NCAM1: variants seen among roughly 807,000 people sequenced by gnomAD.
NCAM1 encodes the protein neural cell adhesion molecule 1, also known as antigen recognized by monoclonal antibody 5.1H11.
NCAM1 carries 14 observed loss-of-function variants against 109.8 expected under a neutral mutation model. That is an observed-to-expected ratio of 0.13 (90% CI 0.08 to 0.20). NCAM1 has a LOEUF of 0.20. Among genes scored for constraint, NCAM1 ranks in the 10% least tolerant of loss-of-function variants. The probability of loss-of-function intolerance (pLI) is 1.00; values close to 1 mark genes in which losing one functional copy is unlikely to be tolerated. For missense variants in NCAM1, 774 were observed against 1,109.9 expected, an observed-to-expected ratio of 0.70 and a Z score of 4.30; for synonymous variants, 418 against 442.9, an observed-to-expected ratio of 0.94 and a Z score of 0.70.
chr11:113,109,283 G>A (rs782566429), intron 1 of NCAM1, among the ~76,000 whole-genome samples: 3 of 150,778 alleles, frequency 2.0e-5, no homozygotes, highest in Admixed American at 6.6e-5. Flanking sequence ...GGGAGGCGGA[G>A]GTTGCAGTGA....
intron 9 of NCAM1, among the ~76,000 whole-genome samples, chr11:113,223,841 C>T (rs1161894819): frequency 1.3e-5 from 2 of 152,200 alleles, no homozygotes; most frequent in East Asian, 1.9e-4. Context: ...CAGGTCAGCA[C>T]AGCCCTTTAG....
chr11:113,144,089 C>T (rs191344036), intron 1 of NCAM1, among the ~76,000 whole-genome samples: 11 of 152,298 alleles, frequency 7.2e-5, no homozygotes, highest in Admixed American at 3.9e-4. Context: ...TGCCACTGGA[C>T]GGTCAAATGA....
intron 1 of NCAM1, among the ~76,000 whole-genome samples, chr11:113,104,224 T>TGGGGGGGG (rs1172459129): frequency 3.4e-5 from 1 of 29,676 alleles, no homozygotes; most frequent in African/African-American, 1.4e-4. Context: ...GGGGGCGGGG[T>TGGGGGGGG]GGTGGTGGCG....
intron 1 of NCAM1, among the ~76,000 whole-genome samples, chr11:112,983,679 T>C (rs1951215173): frequency 6.6e-6 from 1 of 151,978 alleles, no homozygotes; most frequent in South Asian, 2.1e-4. Flanking sequence ...ACAAGCTCAG[T>C]GCAAGTAATT....
chr11:113,208,081 T>C, intron 7 of NCAM1, 79 bp downstream of exon 7: 1 of 1,458,810 alleles, frequency 6.9e-7, no homozygotes, highest in Non-Finnish European at 9.3e-7. Context: ...AGTAAGACCC[T>C]GGCCACTGTC....
At chr11:113,066,203 T>C (rs1937948342) in intron 1 of NCAM1, among the ~76,000 whole-genome samples, 1 of 151,308 alleles carries the variant, frequency 6.6e-6, no homozygotes, top group African/African-American at 2.4e-5. Flanking sequence ...CTTTAGAATA[T>C]GGACAGTTCA....
chr11:113,075,014 C>A (rs1177034821), intron 1 of NCAM1, among the ~76,000 whole-genome samples: 1 of 152,074 alleles, frequency 6.6e-6, no homozygotes, highest in Non-Finnish European at 1.5e-5. Context: ...TTGATAGCAC[C>A]TGTGTAAAAA....
chr11:113,017,884 T>C (rs1263446113), intron 1 of NCAM1, among the ~76,000 whole-genome samples: 16 of 152,154 alleles, frequency 1.1e-4, no homozygotes, highest in Admixed American at 5.2e-4. Flanking sequence ...CTAATGCAAG[T>C]GATAGGGCAG....
chr11:113,242,792 C>T (rs1204508244), intron 14 of NCAM1: 2 of 1,612,204 alleles, frequency 1.2e-6, no homozygotes, highest in Admixed American at 1.7e-5. Context: ...TTCTGTCTGT[C>T]GTGTTTCCAT....
chr11:113,231,203 C>T (rs916219634), intron 9 of NCAM1: 1 of 1,535,984 alleles, frequency 6.5e-7, no homozygotes, highest in Non-Finnish European at 8.7e-7. Context: ...CAGGTACATG[C>T]ACCATGGAAC....
At chr11:113,150,207 T>C (rs528324242) in intron 1 of NCAM1, among the ~76,000 whole-genome samples, 12 of 152,318 alleles carry the variant, frequency 7.9e-5, no homozygotes, top group Non-Finnish European at 7.4e-5. Context: ...TTGGTGAATT[T>C]ATCTGTGAGT....
chr11:113,069,244 C>A (rs782522461), intron 1 of NCAM1, among the ~76,000 whole-genome samples: 5 of 152,088 alleles, frequency 3.3e-5, no homozygotes, highest in African/African-American at 4.8e-5. Flanking sequence ...GCAGAAAAGT[C>A]TCCAAGGTAG....
intron 1 of NCAM1, among the ~76,000 whole-genome samples, chr11:113,002,978 A>G (rs1443940857): frequency 2.0e-5 from 3 of 152,264 alleles, no homozygotes; most frequent in Non-Finnish European, 2.9e-5. Context: ...AATCTTATCA[A>G]TTTCAGAAAA....
intron 1 of NCAM1, among the ~76,000 whole-genome samples, chr11:113,090,248 G>A (rs1352841946): frequency 1.3e-5 from 2 of 152,280 alleles, no homozygotes; most frequent in Non-Finnish European, 2.9e-5. Context: ...TTTGTTTCAG[G>A]TAACATTCAT....
At position 113,086,063 on chromosome 11, in the gene NCAM1, A is replaced by G. The variant is rs11214479; in HGVS notation, c.53-116316A>G. Among the ~76,000 whole-genome samples the G allele has an allele frequency of 9.7e-3, 1,474 of 152,332 alleles. 19 individuals carry two copies. The highest frequency in any genetic ancestry group is 0.033 in the African/African-American group (1,375 of 41,568). On this transcript the variant is annotated intron_variant, in intron 1 of 19. Coordinates refer to ENST00000316851, the MANE Select transcript of NCAM1 (RefSeq NM_181351.5). ...GATGATAATAGATGACTTCAGACCA[A>G]TTTGCTTCTAACACCCAGATTCCAT...
chr11:113,153,021 A>G (rs1942281392), intron 1 of NCAM1, among the ~76,000 whole-genome samples: 1 of 151,462 alleles, frequency 6.6e-6, no homozygotes, highest in Non-Finnish European at 1.5e-5. Flanking sequence ...GGTTTATATG[A>G]GCCTAAACTG....
At chr11:112,995,333 A>T (rs1555071264) in intron 1 of NCAM1, among the ~76,000 whole-genome samples, 1 of 152,174 alleles carries the variant, frequency 6.6e-6, no homozygotes, top group African/African-American at 2.4e-5. Context: ...TAGCTGTCTG[A>T]GAAGTAGTTC....
At chr11:113,236,034 G>T (rs1215001744) in intron 14 of NCAM1, among the ~76,000 whole-genome samples, 1 of 152,168 alleles carries the variant, frequency 6.6e-6, no homozygotes, top group Non-Finnish European at 1.5e-5. Flanking sequence ...ATGCACCTGG[G>T]AGAATCCTTT....
At chr11:113,153,979 TG>T (rs1221195703) in intron 1 of NCAM1, among the ~76,000 whole-genome samples, 2 of 152,262 alleles carry the variant, frequency 1.3e-5, no homozygotes, top group Non-Finnish European at 2.9e-5. Context: ...GCTTCTACCA[TG>T]TGCTTGGATC....
Sources: gnomAD v4.1 joint callset for allele counts (sites outside exome capture counted in the v4.1 genomes callset) on GRCh38, gnomAD v4.1.1 for gene constraint, MANE v1.5 for transcripts, NCBI Gene and HGNC (gene_info 2026-07-23, HGNC 2026-07-21) for gene names.